Variants in DSCAML1 observed in about 807,000 individuals in gnomAD.
DSCAML1 encodes cell adhesion molecule DSCAML1.
Under a neutral mutation model 200.5 loss-of-function variants are expected in DSCAML1, and 38 were observed. The observed-to-expected ratio is 0.19, with a 90% CI of 0.15 to 0.25. DSCAML1 has a LOEUF of 0.25. Ranked by LOEUF, DSCAML1 falls within the 10% of genes least tolerant of loss-of-function variation. The probability of loss-of-function intolerance (pLI) is 1.00; values close to 1 mark genes in which losing one functional copy is unlikely to be tolerated. For synonymous variants in DSCAML1, 1,215 were observed against 1,165.0 expected (o/e 1.04, Z -0.87); for missense variants, 2,223 against 2,858.8 (o/e 0.78, Z 5.07).
chr11:117,622,590 C>T (rs907863826), intron 3 of DSCAML1, among the ~76,000 whole-genome samples: 3 of 152,228 alleles, frequency 2.0e-5, no homozygotes, highest in East Asian at 1.9e-4. Context: ...CACTCCACTC[C>T]AGAGTCCTGG....
chr11:117,488,534 GAC>G (rs575410556), intron 11 of DSCAML1, among the ~76,000 whole-genome samples: 6 of 145,748 alleles, frequency 4.1e-5, no homozygotes, highest in African/African-American at 1.3e-4. Flanking sequence ...GACATGCACA[GAC>G]ACAGACACAC....
intron 3 of DSCAML1, among the ~76,000 whole-genome samples, chr11:117,614,720 A>C (rs1023982065): frequency 6.6e-6 from 1 of 152,236 alleles, no homozygotes; most frequent in Non-Finnish European, 1.5e-5. Flanking sequence ...TCCAGTCCTC[A>C]CAGTGCCCAA....
At chr11:117,464,648 G>A (rs1162170787) in intron 17 of DSCAML1, among the ~76,000 whole-genome samples, 1 of 152,172 alleles carries the variant, frequency 6.6e-6, no homozygotes, top group Admixed American at 6.5e-5. Flanking sequence ...GGAGAAGCGT[G>A]GATGGGGAGA....
intron 3 of DSCAML1, among the ~76,000 whole-genome samples, chr11:117,632,396 T>C (rs576484666): frequency 6.6e-6 from 1 of 152,314 alleles, no homozygotes; most frequent in East Asian, 1.9e-4. Context: ...AGCTTTCCCC[T>C]AAGCCTGTAG....
At chr11:117,577,463 TTCCTTCC>T (rs2050957469) in intron 3 of DSCAML1, among the ~76,000 whole-genome samples, 1 of 83,778 alleles carries the variant, frequency 1.2e-5, no homozygotes, top group African/African-American at 6.2e-5. Flanking sequence ...CTTCCTTTCC[TTCCTTCC>T]TTCCTTCCTT....
At chr11:117,793,755 C>T (rs1048998583) in intron 1 of DSCAML1, among the ~76,000 whole-genome samples, 2 of 152,198 alleles carry the variant, frequency 1.3e-5, no homozygotes, top group African/African-American at 4.8e-5. Flanking sequence ...TCAACTTAAG[C>T]GCCGCCTTTG....
rs140344137 is a variant in DSCAML1 at position 117,449,043 on chromosome 11, A to G, written c.3708+1506T>C. ...CAAAAGCTATACAGAAGAATGAATG[A>G]GCTATAACCACATACAACAACGCGA... On this transcript the variant is annotated intron_variant, in intron 20 of 32. Transcript: ENST00000651296. Among the ~76,000 whole-genome samples, 81 of 152,362 alleles carry G rather than the reference A, an allele frequency of 5.3e-4. 2 individuals carry two copies. The East Asian group carries it at 0.014, about 26-fold the overall frequency.
intron 11 of DSCAML1, among the ~76,000 whole-genome samples, chr11:117,495,760 T>TAGGG (rs1385780457): frequency 6.6e-6 from 1 of 152,100 alleles, no homozygotes; most frequent in Non-Finnish European, 1.5e-5. Flanking sequence ...CATCCTCATC[T>TAGGG]CTCAGCCTGG....
chr11:117,507,836 C>T (rs1428314149), intron 8 of DSCAML1, among the ~76,000 whole-genome samples: 3 of 152,232 alleles, frequency 2.0e-5, no homozygotes, highest in Non-Finnish European at 2.9e-5. Flanking sequence ...CCTGGACCAC[C>T]TCATCCCAGT....
At chr11:117,700,850 C>A (rs2053654650) in intron 3 of DSCAML1, among the ~76,000 whole-genome samples, 1 of 152,226 alleles carries the variant, frequency 6.6e-6, no homozygotes, top group African/African-American at 2.4e-5. Flanking sequence ...ATGCTGCAAG[C>A]CACAGGACCA....
rs1035566420 is a variant in DSCAML1, at chr11:117,787,047, C to A, written c.47-6237G>T. Among the ~76,000 whole-genome samples, 11 of 152,316 alleles carry A rather than the reference C, an allele frequency of 7.2e-5. No individual in the cohort carries two copies. The South Asian group carries it at 2.1e-3, about 29-fold the overall frequency. On this transcript the variant is annotated intron_variant, in intron 1 of 32. Coordinates refer to ENST00000651296, the MANE Select transcript of DSCAML1 (RefSeq NM_020693.4). ...GACTGTCTAGTCACCACTCTGTCTC[C>A]TGGGCACATACTAGGCACACAGTAC...
chr11:117,651,435 G>A (rs1307208471), intron 3 of DSCAML1, among the ~76,000 whole-genome samples: 1 of 152,146 alleles, frequency 6.6e-6, no homozygotes, highest in Non-Finnish European at 1.5e-5. Context: ...GCCGGGTGCG[G>A]TGGCTCACGC....
chr11:117,754,203 G>T (rs947208882), intron 3 of DSCAML1, among the ~76,000 whole-genome samples: 4 of 152,146 alleles, frequency 2.6e-5, no homozygotes, highest in Non-Finnish European at 5.9e-5. Flanking sequence ...CTCTTAATTG[G>T]AGCTGTGCGT....
intron 3 of DSCAML1, among the ~76,000 whole-genome samples, chr11:117,725,126 C>A (rs2054102347): frequency 6.6e-6 from 1 of 152,220 alleles, no homozygotes; most frequent in South Asian, 2.1e-4. Context: ...TGCCTCCCCA[C>A]CAATCCTGAC....
chr11:117,743,643 C>T (rs2054464531), intron 3 of DSCAML1, among the ~76,000 whole-genome samples: 1 of 152,230 alleles, frequency 6.6e-6, no homozygotes, highest in Non-Finnish European at 1.5e-5. Flanking sequence ...AGCCCAGATC[C>T]TTCTGAAGAC....
At chr11:117,739,496 C>T (rs1206964781) in intron 3 of DSCAML1, among the ~76,000 whole-genome samples, 5 of 152,222 alleles carry the variant, frequency 3.3e-5, no homozygotes, top group African/African-American at 1.2e-4. Flanking sequence ...GGACTTTAAT[C>T]CCACAAAGCC....
At chr11:117,444,394 C>T (rs1263919305) in intron 20 of DSCAML1, among the ~76,000 whole-genome samples, 1 of 152,116 alleles carries the variant, frequency 6.6e-6, no homozygotes, top group Admixed American at 6.5e-5. Flanking sequence ...CCCAGGAAAG[C>T]CCTGAGGAAA....
At chr11:117,618,239 G>T (rs1237370086) in intron 3 of DSCAML1, among the ~76,000 whole-genome samples, 1 of 152,218 alleles carries the variant, frequency 6.6e-6, no homozygotes, top group Non-Finnish European at 1.5e-5. Flanking sequence ...CATTCTGCCA[G>T]ATGGTTGTTG....
At chr11:117,632,808 T>C (rs1322205123) in intron 3 of DSCAML1, among the ~76,000 whole-genome samples, 1 of 152,250 alleles carries the variant, frequency 6.6e-6, no homozygotes, top group Non-Finnish European at 1.5e-5. Context: ...GTAACTACCA[T>C]TTATTATGTG....
Sources: allele counts gnomAD v4.1 joint callset (sites outside exome capture counted in the v4.1 genomes callset), GRCh38; gene constraint gnomAD v4.1.1; transcripts MANE v1.5; gene names NCBI Gene and HGNC (gene_info 2026-07-23, HGNC 2026-07-21).